Variants in CTNNA3 observed in about 807,000 individuals in gnomAD.
CTNNA3 encodes catenin alpha 3.
CTNNA3 carries 76 observed loss-of-function variants against 95.7 expected under a neutral mutation model. The observed-to-expected ratio is 0.79, with a 90% CI of 0.66 to 0.96. CTNNA3 has a LOEUF of 0.96. Among genes scored for constraint, CTNNA3 ranks in the 40% least tolerant of loss-of-function variants. CTNNA3 has a pLI of 0.00. For missense variants in CTNNA3, 1,191 were observed against 1,089.8 expected (o/e 1.09, Z -1.31); for synonymous variants, 431 against 374.4 (o/e 1.15, Z -1.74).
intron 9 of CTNNA3, among the ~76,000 whole-genome samples, chr10:66,689,101 CATGAATCA>C (rs55997095): frequency 1 from 151,570 of 151,584 alleles, 75,778 homozygotes; most frequent in Middle Eastern, 1. Flanking sequence ...TGTGTGTATC[CATGAATCA>C]ATGAATCAAT....
At position 67,562,745 on chromosome 10, in the gene CTNNA3, A is replaced by G. The variant is rs140487552; in HGVS notation, c.293-23076T>C. 3.9e-4 allele frequency among the ~76,000 whole-genome samples: 60 copies of G among 152,228 alleles called. 1 individual carries two copies. The East Asian group carries it at 7.7e-3, about 20-fold the overall frequency. On this transcript the variant is annotated intron_variant, in intron 3 of 17. Transcript: ENST00000433211. ...GATAGTATATCTAGAAAACCCCATC[A>G]TCTCAGCCCAAAATCTCCTTAAGCT...
intron 15 of CTNNA3, among the ~76,000 whole-genome samples, chr10:66,052,244 T>C (rs1249633850): frequency 6.6e-6 from 1 of 152,174 alleles, no homozygotes; most frequent in East Asian, 1.9e-4. Flanking sequence ...TGCACCCAAT[T>C]GACCAGTGAA....
intron 10 of CTNNA3, among the ~76,000 whole-genome samples, chr10:66,608,776 A>T (rs1378940020): frequency 6.6e-6 from 1 of 152,174 alleles, no homozygotes; most frequent in Non-Finnish European, 1.5e-5. Context: ...TACACCATAC[A>T]CAAAAATTAA....
intron 6 of CTNNA3, among the ~76,000 whole-genome samples, chr10:67,182,368 G>A (rs958623101): frequency 7.2e-5 from 11 of 152,154 alleles, no homozygotes; most frequent in African/African-American, 2.6e-4. Context: ...ACAGAACAGA[G>A]GCCTCAGAAA....
At chr10:67,638,047 C>T (rs1416675263) in intron 2 of CTNNA3, among the ~76,000 whole-genome samples, 1 of 152,098 alleles carries the variant, frequency 6.6e-6, no homozygotes, top group African/African-American at 2.4e-5. Flanking sequence ...CTAAACACTC[C>T]AATTAAAAGA....
intron 3 of CTNNA3, among the ~76,000 whole-genome samples, chr10:67,597,140 A>G (rs1216307561): frequency 6.6e-6 from 1 of 152,096 alleles, no homozygotes; most frequent in African/African-American, 2.4e-5. Context: ...TAAAATGGCT[A>G]TTTTATCTTT....
At chr10:66,916,291 A>C (rs1214164215) in intron 7 of CTNNA3, among the ~76,000 whole-genome samples, 3 of 152,238 alleles carry the variant, frequency 2.0e-5, no homozygotes, top group Non-Finnish European at 4.4e-5. Context: ...ATAACATATT[A>C]ACATGGGAAG....
intron 10 of CTNNA3, among the ~76,000 whole-genome samples, chr10:66,618,803 C>T (rs1246887620): frequency 2.0e-5 from 3 of 151,936 alleles, no homozygotes. Flanking sequence ...ATTTTCACAA[C>T]CTACTCATCT....
At chr10:67,118,608 C>A (rs1430880992) in intron 7 of CTNNA3, among the ~76,000 whole-genome samples, 1 of 151,908 alleles carries the variant, frequency 6.6e-6, no homozygotes, top group Admixed American at 6.6e-5. Context: ...AGAAAGAAAA[C>A]TTAAATGTAG....
intron 7 of CTNNA3, among the ~76,000 whole-genome samples, chr10:66,913,656 G>A (rs1045813957): frequency 6.6e-6 from 1 of 152,194 alleles, no homozygotes; most frequent in African/African-American, 2.4e-5. Flanking sequence ...AGTGCTTACT[G>A]AAGGGGGACC....
chr10:66,418,685 A>G (rs1347303694), intron 11 of CTNNA3, among the ~76,000 whole-genome samples: 1 of 146,888 alleles, frequency 6.8e-6, no homozygotes, highest in Non-Finnish European at 1.5e-5. Context: ...ATACCCAATG[A>G]TCAAGTGGGA....
At chr10:67,342,099 C>CTTTTTTTTTTTTTTTTTTTTTTTT (rs764381058) in intron 5 of CTNNA3, among the ~76,000 whole-genome samples, 3 of 83,660 alleles carry the variant, frequency 3.6e-5, no homozygotes, top group Non-Finnish European at 6.5e-5. Flanking sequence ...TATTTTTCTT[C>CTTTTTTTTTTTTTTTTTTTTTTTT]TTTTTTTTTT....
intron 11 of CTNNA3, among the ~76,000 whole-genome samples, chr10:66,487,068 A>T (rs1015161865): frequency 1.3e-5 from 2 of 152,102 alleles, no homozygotes; most frequent in South Asian, 4.1e-4. Flanking sequence ...GGTGTTGCCC[A>T]AAGGGCATAA....
intron 1 of CTNNA3, among the ~76,000 whole-genome samples, chr10:67,656,945 G>C (rs960205376): frequency 1.3e-5 from 2 of 152,154 alleles, no homozygotes; most frequent in African/African-American, 4.8e-5. Flanking sequence ...AATCACTCTG[G>C]TGAATAGAAC....
intron 12 of CTNNA3, among the ~76,000 whole-genome samples, chr10:66,376,492 T>C (rs2092797687): frequency 6.6e-6 from 1 of 152,160 alleles, no homozygotes; most frequent in Non-Finnish European, 1.5e-5. Flanking sequence ...AGAAAACACT[T>C]AGAAGATCAT....
intron 5 of CTNNA3, among the ~76,000 whole-genome samples, chr10:67,438,698 C>T (rs938403193): frequency 6.6e-6 from 1 of 152,174 alleles, no homozygotes; most frequent in Non-Finnish European, 1.5e-5. Context: ...AATCTCCAGG[C>T]AGTGACCATC....
intron 5 of CTNNA3, among the ~76,000 whole-genome samples, chr10:67,258,449 G>A (rs1236054693): frequency 6.6e-6 from 1 of 151,998 alleles, no homozygotes; most frequent in Non-Finnish European, 1.5e-5. Flanking sequence ...CGGCCACAAT[G>A]ATTTTTCTTA....
chr10:66,544,811 T>C (rs973823431), intron 10 of CTNNA3, among the ~76,000 whole-genome samples: 2 of 152,174 alleles, frequency 1.3e-5, no homozygotes, highest in South Asian at 2.1e-4. Flanking sequence ...CTAAGAACTT[T>C]CTTGCATTTC....
intron 9 of CTNNA3, among the ~76,000 whole-genome samples, chr10:66,755,009 T>C (rs1034911561): frequency 5.3e-5 from 8 of 152,276 alleles, no homozygotes; most frequent in African/African-American, 7.2e-5. Context: ...CAAACTTGCA[T>C]ATACATGTTC....
Sources: allele counts gnomAD v4.1 joint callset (sites outside exome capture counted in the v4.1 genomes callset), GRCh38; gene constraint gnomAD v4.1.1; transcripts MANE v1.5; gene names NCBI Gene and HGNC (gene_info 2026-07-23, HGNC 2026-07-21).